ASXL2: variants seen among roughly 807,000 people sequenced by gnomAD.
ASXL2 encodes ASXL transcriptional regulator 2.
ASXL2 carries 23 observed loss-of-function variants against 122.0 expected under a neutral mutation model. That is an observed-to-expected ratio of 0.19 (90% CI 0.14 to 0.27). The LOEUF (loss-of-function observed/expected upper bound fraction) is 0.27, where lower values mean the gene tolerates loss of function less well. Ranked by LOEUF, ASXL2 falls within the 10% of genes least tolerant of loss-of-function variation. The pLI is 1.00. For missense variants in ASXL2, 1,518 were observed against 1,713.8 expected, an observed-to-expected ratio of 0.89 and a Z score of 2.02; for synonymous variants, 650 against 637.0, an observed-to-expected ratio of 1.02 and a Z score of -0.31.
At chr2:25,866,419 C>A (rs1000595939) in intron 1 of ASXL2, among the ~76,000 whole-genome samples, 1 of 152,148 alleles carries the variant, frequency 6.6e-6, no homozygotes, top group Non-Finnish European at 1.5e-5. Flanking sequence ...TGAGCCACTG[C>A]GCCTGACAAA....
chr2:25,763,425 G>A (rs1195431447), intron 8 of ASXL2, among the ~76,000 whole-genome samples: 1 of 151,930 alleles, frequency 6.6e-6, no homozygotes. Flanking sequence ...GGGAGGCGGA[G>A]GTTGCAGTGA....
At chr2:25,809,889 G>C (rs2089141444) in intron 3 of ASXL2, 1 of 503,880 alleles carries the variant, frequency 2.0e-6, no homozygotes, top group Non-Finnish European at 3.9e-6. Flanking sequence ...ATCAGGGTCA[G>C]AGGGAGGAGC....
intron 8 of ASXL2, among the ~76,000 whole-genome samples, chr2:25,765,354 C>T (rs1010674612): frequency 9.2e-5 from 14 of 151,890 alleles, no homozygotes; most frequent in African/African-American, 3.4e-4. Context: ...GGCGTGGTGG[C>T]GGGCACCTGT....
chr2:25,744,935 C>CCACACA lies in ASXL2; in HGVS notation c.1861-465_1861-460dup, dbSNP rs10579555. Among the ~76,000 whole-genome samples, 2,490 of 138,316 alleles carry CCACACA rather than the reference C, an allele frequency of 0.018. 34 individuals carry two copies. Among genetic ancestry groups the CCACACA allele is most frequent in the Middle Eastern group, 0.032 (9 of 278 alleles). The allele number at this position is 138,316 out of a possible 152,430, so 90.7% of individuals were successfully genotyped here. A position where few individuals can be genotyped will look rare whatever the true frequency, so the allele number is the denominator to read the frequency against. ...GGGAAAATACTTGCTCTTCTCTGTTCCACACACACACACACACACACACAC... is the reference window on the plus strand; with the variant it reads ...GGGAAAATACTTGCTCTTCTCTGTTCCACACACACACACACACACACACACACACAC... On this transcript the variant is annotated intron_variant, in intron 12 of 12. Coordinates refer to ENST00000435504, the MANE Select transcript of ASXL2 (RefSeq NM_018263.6). This position sits in a 1 kb window ranked among gnomAD's most constrained non-coding sequence, Gnocchi z 4.7.
At chr2:25,853,366 G>C (rs2089740662) in intron 1 of ASXL2, among the ~76,000 whole-genome samples, 1 of 152,244 alleles carries the variant, frequency 6.6e-6, no homozygotes, top group South Asian at 2.1e-4. Context: ...TGGCTGTTTA[G>C]CAGTTATCTA....
chr2:25,854,956 C>T (rs1220458845), intron 1 of ASXL2, among the ~76,000 whole-genome samples: 2 of 152,172 alleles, frequency 1.3e-5, no homozygotes, highest in Admixed American at 6.5e-5. Flanking sequence ...TTAAGAAACA[C>T]ATCCAAATAG....
chr2:25,804,403 G>A (rs1318708047), intron 4 of ASXL2, among the ~76,000 whole-genome samples: 2 of 152,208 alleles, frequency 1.3e-5, no homozygotes, highest in African/African-American at 4.8e-5. Flanking sequence ...GATAATTCAG[G>A]TATACTCATG....
intron 5 of ASXL2, among the ~76,000 whole-genome samples, chr2:25,798,594 T>C (rs1429768721): frequency 6.6e-6 from 1 of 152,042 alleles, no homozygotes; most frequent in Admixed American, 6.5e-5. Context: ...TGAAACCCCA[T>C]CTCTACTAAA....
chr2:25,841,672 C>A (rs1439345880), intron 2 of ASXL2, among the ~76,000 whole-genome samples: 2 of 152,004 alleles, frequency 1.3e-5, no homozygotes, highest in African/African-American at 2.4e-5. Context: ...CTTGGTGAAA[C>A]CCTGTCTCTA....
intron 3 of ASXL2, among the ~76,000 whole-genome samples, chr2:25,815,584 T>C (rs369044669): frequency 1.2e-4 from 18 of 152,328 alleles, no homozygotes; most frequent in Middle Eastern, 3.4e-3. Context: ...GTGATTTTAA[T>C]GTCTCTGAAA....
chr2:25,845,638 TAC>T, intron 1 of ASXL2, 75 bp from the exon 2 acceptor site: 1 of 680,888 alleles, frequency 1.5e-6, no homozygotes, highest in Non-Finnish European at 2.1e-6. Flanking sequence ...TTCTTATAAT[TAC>T]GTCTTAAAAG....
At chr2:25,802,247 A>G (rs1171845737) in intron 4 of ASXL2, among the ~76,000 whole-genome samples, 1 of 152,154 alleles carries the variant, frequency 6.6e-6, no homozygotes, top group Non-Finnish European at 1.5e-5. Context: ...ATATTATCAC[A>G]TTTTTTAAAA....
intron 3 of ASXL2, among the ~76,000 whole-genome samples, chr2:25,819,311 A>T (rs1439188090): frequency 6.6e-6 from 1 of 152,242 alleles, no homozygotes; most frequent in Non-Finnish European, 1.5e-5. Flanking sequence ...GCAATAGATT[A>T]ATAACATGCT....
intron 5 of ASXL2, among the ~76,000 whole-genome samples, chr2:25,793,526 C>CATTT (rs1307772779): frequency 6.6e-6 from 1 of 152,126 alleles, no homozygotes; most frequent in Non-Finnish European, 1.5e-5. Flanking sequence ...CTCCCAAAGA[C>CATTT]ATTTAATGGG....
At chr2:25,782,242 G>C (rs976320724) in intron 5 of ASXL2, among the ~76,000 whole-genome samples, 5 of 151,840 alleles carry the variant, frequency 3.3e-5, no homozygotes, top group Non-Finnish European at 5.9e-5. Flanking sequence ...TTGCTTACCT[G>C]TGTTGATATA....
intron 8 of ASXL2, among the ~76,000 whole-genome samples, chr2:25,764,470 T>A (rs1310069286): frequency 6.6e-6 from 1 of 152,204 alleles, no homozygotes; most frequent in East Asian, 1.9e-4. Flanking sequence ...AAAAATCTCA[T>A]AATGTTTTAA....
At position 25,750,441 on chromosome 2, in the gene ASXL2, A is replaced by G. The variant is rs1254556332; in HGVS notation, c.1143-28T>C. The G allele has an allele frequency of 2.6e-6, 4 of 1,540,086 alleles. No homozygotes were observed. In the Admixed American group the frequency reaches 6.5e-5, roughly 25 times the overall value. ...AAAAAGGGGAAAAAAGAAATATTCC[A>G]GTTGAAAAATAGCCCATGTTGCGAA... On this transcript the variant is annotated intron_variant, in intron 11 of 12. Coordinates refer to ENST00000435504, the MANE Select transcript of ASXL2 (RefSeq NM_018263.6).
At chr2:25,753,199 A>C (rs1559501296) in intron 11 of ASXL2, among the ~76,000 whole-genome samples, 1 of 151,120 alleles carries the variant, frequency 6.6e-6, no homozygotes, top group African/African-American at 2.4e-5. Flanking sequence ...CGAACTCCTG[A>C]CCTCAGGAGT....
intron 1 of ASXL2, among the ~76,000 whole-genome samples, chr2:25,868,791 G>A (rs1388309535): frequency 1.3e-5 from 2 of 152,218 alleles, no homozygotes; most frequent in East Asian, 3.9e-4. Flanking sequence ...CATTTTAGGA[G>A]GCCAATAGGA....
Sources: gnomAD v4.1 joint callset for allele counts (sites outside exome capture counted in the v4.1 genomes callset) on GRCh38, gnomAD v4.1.1 for gene constraint, Gnocchi (gnomAD v3.1) non-coding constraint, MANE v1.5 for transcripts, NCBI Gene and HGNC (gene_info 2026-07-23, HGNC 2026-07-21) for gene names.